The following ABCC5 variants were observed in gnomAD, a reference collection of about 807,000 sequenced individuals.
ABCC5 encodes ATP binding cassette subfamily C member 5.
In ABCC5, 61 loss-of-function variants were observed where a neutral mutation model predicts 160.9. The observed-to-expected ratio is 0.38, with a 90% CI of 0.31 to 0.47. The LOEUF (loss-of-function observed/expected upper bound fraction) is 0.47. Among genes scored for constraint, ABCC5 ranks in the 20% least tolerant of loss-of-function variants. The pLI is 0.99. For synonymous variants in ABCC5, 666 were observed against 700.6 expected (o/e 0.95, Z 0.78); for missense variants, 1,308 against 1,813.3 (o/e 0.72, Z 5.06).
intron 15 of ABCC5, among the ~76,000 whole-genome samples, chr3:183,962,101 C>T (rs1716801788): frequency 6.6e-6 from 1 of 152,122 alleles, no homozygotes; most frequent in South Asian, 2.1e-4. Context: ...ACAGATGCTC[C>T]TCAATTTACA....
At chr3:183,932,691 C>T (rs1282540044) in intron 26 of ABCC5, among the ~76,000 whole-genome samples, 3 of 152,096 alleles carry the variant, frequency 2.0e-5, no homozygotes, top group East Asian at 3.9e-4. Flanking sequence ...TGGCCAAGGG[C>T]GGCATCTCAT....
intron 26 of ABCC5, among the ~76,000 whole-genome samples, chr3:183,932,661 T>TCTATATAAAACAGGAATAATGGC (rs1263059967): frequency 2.0e-5 from 3 of 152,160 alleles, no homozygotes; most frequent in Non-Finnish European, 4.4e-5. Flanking sequence ...AGTTTCATCA[T>TCTATATAAAACAGGAATAATGGC]CTATATAAAA....
At position 184,014,426 on chromosome 3, in the gene ABCC5, T is replaced by C. The variant is rs373994024; in HGVS notation, c.-34A>G. 6 of 1,577,810 alleles carry C rather than the reference T, an allele frequency of 3.8e-6. No homozygotes were observed. The highest frequency in any genetic ancestry group is 5.2e-6 in the Non-Finnish European group (6 of 1,163,932). On this transcript the variant is annotated 5_prime_UTR_variant, in exon 2 of 30. Transcript: ENST00000334444. ...AGTGGAGGTTCCAGGGCTCACAGAC[T>C]GTTAGTTTCACATCAGAATTCCTGA...
chr3:183,983,649 C>A, intron 5 of ABCC5: 1 of 757,740 alleles, frequency 1.3e-6, no homozygotes, highest in Non-Finnish European at 1.6e-6. Context: ...GGAAGGCGGC[C>A]AGCCCCCAAG....
chr3:183,928,277 AATTTTTGTATTTTTAGTAGGGAC>A (rs1350809192), intron 27 of ABCC5, among the ~76,000 whole-genome samples: 3 of 151,908 alleles, frequency 2.0e-5, no homozygotes, highest in African/African-American at 7.3e-5. Flanking sequence ...ACACCCGGCT[AATTTTTGTATTTTTAGTAGGGAC>A]AGGGTTTCAT....
chr3:183,975,149 G>A (rs780273902), intron 10 of ABCC5, among the ~76,000 whole-genome samples: 1 of 152,084 alleles, frequency 6.6e-6, no homozygotes, highest in African/African-American at 2.4e-5. Context: ...TTTTCAAAAG[G>A]CTGCCTTAGA....
chr3:183,961,628 G>A lies in ABCC5; in HGVS notation c.2262C>T (p.Ile754=), dbSNP rs372514287. 83 of 1,614,072 alleles carry A rather than the reference G, an allele frequency of 5.1e-5. No homozygotes were observed. Among genetic ancestry groups the A allele is most frequent in the Non-Finnish European group, 6.6e-5 (78 of 1,180,046 alleles). Residue 754 remains isoleucine (I), a synonymous_variant, in exon 16 of 30, where the codon ATC becomes ATT. Coordinates refer to ENST00000334444, the MANE Select transcript of ABCC5 (RefSeq NM_005688.4). ...LQYLVDCDEV[I]FMKEGCITER... ...CCGTAATACAGCCCTCTTTCATGAA[G>A]ATCACTTCATCACAGTCAACCAGGT...
Position 183,951,356 on chromosome 3 carries a change from C to T in ABCC5, c.2944+85G>A. On this transcript the variant is annotated intron_variant, in intron 20 of 29. Coordinates refer to ENST00000334444, the MANE Select transcript of ABCC5 (RefSeq NM_005688.4). The surrounding 1 kb of genome is among the most constrained non-coding windows in gnomAD (Gnocchi z 4.7). ...TGTGCTCTCAGGATCTACAGACAGA[C>T]AGATCTGCACATTTGGAGAATCATC... 6.5e-7 allele frequency: 1 copy of T among 1,534,360 alleles called. No homozygotes were observed. Among genetic ancestry groups the T allele is most frequent in the Non-Finnish European group, 8.8e-7 (1 of 1,135,848 alleles).
intron 2 of ABCC5, among the ~76,000 whole-genome samples, chr3:183,995,585 T>A (rs974810129): frequency 1.3e-5 from 2 of 152,228 alleles, no homozygotes; most frequent in Non-Finnish European, 2.9e-5. Context: ...TGTCGAAAAG[T>A]TGGCCATGCC....
At chr3:183,967,043 AAC>A (rs1717285757) in intron 12 of ABCC5, among the ~76,000 whole-genome samples, 1 of 151,556 alleles carries the variant, frequency 6.6e-6, no homozygotes, top group Non-Finnish European at 1.5e-5. Context: ...TTGATTCTAA[AAC>A]ACAGCAATGA....
In ABCC5 at chr3:183,928,747, A is replaced by G; in HGVS notation, c.3933T>C (p.Cys1311=). Residue 1311 remains cysteine, a splice_region_variant and synonymous_variant, in exon 27 of 30, where the codon TGT becomes TGC. Coordinates refer to ENST00000334444, the MANE Select transcript of ABCC5 (RefSeq NM_005688.4). ...GGCTTCCCCTAAGCTCTTCACTTACACATTCTTTCATGTGTGTCCTCTCCA... is the reference window on the plus strand; with the variant it reads ...GGCTTCCCCTAAGCTCTTCACTTACGCATTCTTTCATGTGTGTCCTCTCCA... The part of the protein sequence containing the change: ...DALERTHMKE[C]IAQLPLKLES... 6.2e-7 allele frequency: 1 copy of G among 1,613,868 alleles called. No individual in the cohort carries two copies.
chr3:183,947,982 C>A (rs1193251075), intron 22 of ABCC5, among the ~76,000 whole-genome samples: 1 of 152,160 alleles, frequency 6.6e-6, no homozygotes, highest in East Asian at 1.9e-4. Flanking sequence ...CGCCACCATG[C>A]AGAATGGCAC....
chr3:183,969,285 G>C (rs752551304), intron 11 of ABCC5, among the ~76,000 whole-genome samples: 2 of 152,140 alleles, frequency 1.3e-5, no homozygotes, highest in Non-Finnish European at 2.9e-5. Flanking sequence ...CAAAGCAAAA[G>C]AATACATTTT....
At position 183,951,650 on chromosome 3, in the gene ABCC5, T is replaced by A. The variant is rs1270091011; in HGVS notation, c.2815-80A>T. On this transcript the variant is annotated intron_variant, in intron 19 of 29. Coordinates refer to ENST00000334444, the MANE Select transcript of ABCC5 (RefSeq NM_005688.4). The surrounding 1 kb of genome is among the most constrained non-coding windows in gnomAD (Gnocchi z 4.7). ...GTCCAGAGAACCGCTCCGCAGCACATCCACTCCCAAAGCGGGGAGGTGTGA... is the reference window on the plus strand; with the variant it reads ...GTCCAGAGAACCGCTCCGCAGCACAACCACTCCCAAAGCGGGGAGGTGTGA... The A allele has an allele frequency of 6.4e-7, 1 of 1,559,392 alleles. No individual in the cohort carries two copies. Among genetic ancestry groups the A allele is most frequent in the African/African-American group, 1.4e-5 (1 of 73,518 alleles).
intron 10 of ABCC5, among the ~76,000 whole-genome samples, chr3:183,975,404 C>T (rs560378421): frequency 7.9e-5 from 12 of 151,790 alleles, no homozygotes; most frequent in Admixed American, 3.3e-4. Flanking sequence ...TGCAGTGGCG[C>T]GATCTCGACT....
At position 183,988,355 on chromosome 3, in the gene ABCC5, C is replaced by T. The variant is rs1719411672; in HGVS notation, c.443+217G>A. ...CTCCCTGCAGACTCAGGAAGAGAAG[C>T]GGGGCTGAGAGAGAGAGAGAAAGCC... On this transcript the variant is annotated intron_variant, in intron 4 of 29. Transcript: ENST00000334444. This position sits in a 1 kb window ranked among gnomAD's most constrained non-coding sequence, Gnocchi z 4.4. 6.6e-6 allele frequency among the ~76,000 whole-genome samples: 1 copy of T among 152,268 alleles called. No homozygotes were observed. The highest frequency in any genetic ancestry group is 2.1e-4 in the South Asian group (1 of 4,824).
chr3:183,995,524 T>C (rs1419027021), intron 2 of ABCC5, among the ~76,000 whole-genome samples: 1 of 152,212 alleles, frequency 6.6e-6, no homozygotes, highest in African/African-American at 2.4e-5. Flanking sequence ...GTTGTTCCAG[T>C]ACCATGTGTT....
At chr3:183,945,751 G>A (rs1451663625) in intron 24 of ABCC5, 99 bp downstream of exon 24, 28 of 914,496 alleles carry the variant, frequency 3.1e-5, no homozygotes, top group South Asian at 2.4e-4. Context: ...GATAGGCAGA[G>A]AACACAAGCC....
chr3:183,946,396 A>G (rs1332441925), intron 23 of ABCC5, among the ~76,000 whole-genome samples: 2 of 152,186 alleles, frequency 1.3e-5, no homozygotes, highest in Non-Finnish European at 2.9e-5. Flanking sequence ...TGCGGAGTCT[A>G]AAAACAGTCT....
Sources: allele counts gnomAD v4.1 joint callset (sites outside exome capture counted in the v4.1 genomes callset), GRCh38; gene constraint gnomAD v4.1.1; non-coding constraint Gnocchi (gnomAD v3.1); transcripts MANE v1.5; gene names NCBI Gene and HGNC (gene_info 2026-07-23, HGNC 2026-07-21).